The following TANGO6 variants were observed in gnomAD, a reference collection of about 807,000 sequenced individuals.
The protein encoded by TANGO6 is transport and Golgi organization protein 6 homolog.
A neutral mutation model predicts 114.2 loss-of-function variants in TANGO6; 90 were observed. The ratio of observed to expected loss-of-function variants is 0.79; its 90% CI spans 0.66 to 0.94. The LOEUF is 0.94. TANGO6 is among the 40% of genes least tolerant of loss of function. The pLI, the probability that TANGO6 is intolerant of heterozygous loss-of-function variation, is 0.00. For missense variants in TANGO6, 1,274 were observed against 1,315.3 expected, an observed-to-expected ratio of 0.97 and a Z score of 0.49; for synonymous variants, 477 against 509.8, an observed-to-expected ratio of 0.94 and a Z score of 0.87.
At chr16:68,953,325 C>T (rs1389281621) in intron 14 of TANGO6, among the ~76,000 whole-genome samples, 2 of 152,060 alleles carry the variant, frequency 1.3e-5, no homozygotes, top group South Asian at 2.1e-4. Context: ...TCAGGTGATA[C>T]ACCTGCCTCG....
At chr16:68,900,603 TG>T in intron 8 of TANGO6, 57 bp downstream of exon 8, 1 of 1,355,518 alleles carries the variant, frequency 7.4e-7, no homozygotes, top group South Asian at 1.3e-5. Flanking sequence ...TTTTGCATGT[TG>T]TTTTTGTTCT....
chr16:69,031,393 A>G (rs576866365), intron 16 of TANGO6, among the ~76,000 whole-genome samples: 1 of 152,022 alleles, frequency 6.6e-6, no homozygotes, highest in East Asian at 2.0e-4. Flanking sequence ...GCTAGTTCCT[A>G]TGTGTTTCAA....
chr16:68,982,724 G>A (rs1328103055), intron 15 of TANGO6, among the ~76,000 whole-genome samples: 2 of 143,552 alleles, frequency 1.4e-5, no homozygotes, highest in Non-Finnish European at 3.0e-5. Flanking sequence ...CTCCCACCTC[G>A]GCCTCCCAAA....
chr16:68,851,069 A>G (rs961879186), intron 1 of TANGO6, among the ~76,000 whole-genome samples: 6 of 152,148 alleles, frequency 3.9e-5, no homozygotes, highest in Non-Finnish European at 7.3e-5. Flanking sequence ...TTTTGAAAAG[A>G]CATGCAAATA....
At chr16:69,003,074 C>A (rs535035564) in intron 15 of TANGO6, among the ~76,000 whole-genome samples, 70 of 152,030 alleles carry the variant, frequency 4.6e-4, no homozygotes, top group Middle Eastern at 6.8e-3. Flanking sequence ...AATCTTTTAT[C>A]ATTAAACTTT....
In TANGO6 at chr16:68,997,079, A is replaced by G. The variant is rs923265243; in HGVS notation, c.2842+22911A>G. ...AACATCTGTGGGTTAATGTTTGTCA[A>G]ATGTGATTTGATGCAGCTATACATG... On this transcript the variant is annotated intron_variant, in intron 15 of 17. Coordinates refer to ENST00000261778, the MANE Select transcript of TANGO6 (RefSeq NM_024562.2). Among the ~76,000 whole-genome samples, 11 of 152,336 alleles carry G rather than the reference A, an allele frequency of 7.2e-5. No individual in the cohort carries two copies. The East Asian group carries it at 7.7e-4, about 11-fold the overall frequency.
At chr16:69,022,670 C>T (rs1959427741) in intron 15 of TANGO6, among the ~76,000 whole-genome samples, 158 bp from the exon 16 acceptor site, 1 of 151,568 alleles carries the variant, frequency 6.6e-6, no homozygotes, top group South Asian at 2.1e-4. Flanking sequence ...TGCCACTGCA[C>T]TCCAGTCTGG....
chr16:69,084,996 G>A lies in TANGO6; in HGVS notation c.*1335G>A, dbSNP rs1960515637. On this transcript the variant is annotated 3_prime_UTR_variant, in exon 18 of 18. Transcript: ENST00000261778. ...CACAAGTGAGCTTAGTGAGCAGAGA[G>A]TTAGAACAAATCTAGCTAGGTGTGT... The A allele has an allele frequency of 1.3e-5, 2 of 152,352 alleles. No individual in the cohort carries two copies. Among genetic ancestry groups the A allele is most frequent in the Non-Finnish European group, 2.9e-5 (2 of 68,048 alleles). The allele number at this position is 152,352 out of a possible 1,614,324, so 9.4% of individuals were successfully genotyped here.
chr16:68,945,449 G>A (rs1483893337), intron 14 of TANGO6, among the ~76,000 whole-genome samples: 2 of 151,956 alleles, frequency 1.3e-5, no homozygotes, highest in African/African-American at 2.4e-5. Flanking sequence ...TATACTTTTG[G>A]GGCAATATTA....
chr16:68,856,528 G>A (rs948855269), intron 1 of TANGO6, among the ~76,000 whole-genome samples: 6 of 152,026 alleles, frequency 3.9e-5, no homozygotes, highest in African/African-American at 1.4e-4. Flanking sequence ...AATAGATTCC[G>A]TTTTTTAGAA....
chr16:69,034,470 G>T, intron 16 of TANGO6: 1 of 154,698 alleles, frequency 6.5e-6, no homozygotes, highest in South Asian at 2.0e-4. Context: ...ATCACATCAA[G>T]ACCCACACCA....
intron 7 of TANGO6, among the ~76,000 whole-genome samples, chr16:68,893,580 AC>A (rs1158524349): frequency 6.6e-6 from 1 of 152,012 alleles, no homozygotes; most frequent in Non-Finnish European, 1.5e-5. Context: ...TACTAAAAAT[AC>A]AAAAATTAGC....
At chr16:68,959,602 A>T (rs1020652657) in intron 14 of TANGO6, among the ~76,000 whole-genome samples, 3 of 152,060 alleles carry the variant, frequency 2.0e-5, no homozygotes, top group African/African-American at 4.8e-5. Flanking sequence ...AAAATAAAAT[A>T]AAAATAAAAA....
Position 68,907,298 on chromosome 16 carries a change from A to G in TANGO6, c.1668-145A>G, listed in dbSNP as rs1407837840. 4.0e-6 allele frequency: 4 copies of G among 999,386 alleles called. No homozygotes were observed. In the African/African-American group the frequency reaches 5.0e-5, roughly 12 times the overall value. The allele number at this position is 999,386 out of a possible 1,614,324, so 61.9% of individuals were successfully genotyped here. On this transcript the variant is annotated intron_variant, in intron 9 of 17. Coordinates refer to ENST00000261778, the MANE Select transcript of TANGO6 (RefSeq NM_024562.2). ...ATACTTTTTTCAGAATGGAGAAACAATAAAATAAGTTAAATAAATTTGGGG... is the reference window on the plus strand; with the variant it reads ...ATACTTTTTTCAGAATGGAGAAACAGTAAAATAAGTTAAATAAATTTGGGG...
chr16:69,019,315 A>G (rs919395360), intron 15 of TANGO6, among the ~76,000 whole-genome samples: 1 of 152,176 alleles, frequency 6.6e-6, no homozygotes, highest in African/African-American at 2.4e-5. Context: ...CCTCTTTTCT[A>G]TTCTGAAAAT....
chr16:69,049,203 C>G (rs1959908205), intron 17 of TANGO6, among the ~76,000 whole-genome samples: 1 of 152,010 alleles, frequency 6.6e-6, no homozygotes, highest in Admixed American at 6.6e-5. Flanking sequence ...TTCATTGCCC[C>G]CCAAAAGAAA....
At chr16:68,901,067 GCT>G (rs1447317256) in intron 8 of TANGO6, among the ~76,000 whole-genome samples, 1 of 152,160 alleles carries the variant, frequency 6.6e-6, no homozygotes, top group Non-Finnish European at 1.5e-5. Context: ...TTTTGTATCA[GCT>G]CTATTTTCAC....
intron 4 of TANGO6, among the ~76,000 whole-genome samples, chr16:68,873,197 A>G (rs1395894757): frequency 2.6e-5 from 4 of 151,326 alleles, no homozygotes; most frequent in African/African-American, 9.7e-5. Flanking sequence ...GGTAAGTACT[A>G]CTTCACCTCC....
intron 14 of TANGO6, among the ~76,000 whole-genome samples, chr16:68,971,861 GACCTCAAGTGATCC>G (rs1372555407): frequency 6.6e-6 from 1 of 151,924 alleles, no homozygotes; most frequent in Non-Finnish European, 1.5e-5. Flanking sequence ...TTGAACTCCT[GACCTCAAGTGATCC>G]ACCCACCTCG....
Sources: gnomAD v4.1 joint callset for allele counts (sites outside exome capture counted in the v4.1 genomes callset) on GRCh38, gnomAD v4.1.1 for gene constraint, MANE v1.5 for transcripts, NCBI Gene and HGNC (gene_info 2026-07-23, HGNC 2026-07-21) for gene names.